Variants in POTEF observed in about 807,000 individuals in gnomAD.
POTEF encodes the protein POTE ankyrin domain family member F.
POTEF carries 20 observed loss-of-function variants against 83.2 expected under a neutral mutation model. The observed-to-expected ratio is 0.24, with a 90% CI of 0.17 to 0.35. The LOEUF (loss-of-function observed/expected upper bound fraction) is 0.35. POTEF is among the 10% of genes least tolerant of loss of function. The pLI, the probability that POTEF is intolerant of heterozygous loss-of-function variation, is 1.00. For synonymous variants in POTEF, 196 were observed against 446.4 expected (o/e 0.44, Z 7.07); for missense variants, 550 against 1,203.2 (o/e 0.46, Z 8.03).
In POTEF at chr2:130,120,583, C is replaced by T; in HGVS notation, c.-68G>A. On this transcript the variant is annotated 5_prime_UTR_variant, in exon 3 of 17. Coordinates refer to ENST00000409914, the MANE Select transcript of POTEF (RefSeq NM_001099771.2). ...CGCGTCTACCAACCAGTTTCACCAA[C>T]TAGCAGGTAACTCCGGGTTTCCAAT... is the stretch of plus-strand genomic sequence containing the variant. The T allele has an allele frequency of 6.2e-7, 1 of 1,603,690 alleles. No individual in the cohort carries two copies. Among genetic ancestry groups the T allele is most frequent in the South Asian group, 1.1e-5 (1 of 89,984 alleles).
rs546034392 is a variant in POTEF at position 130,107,878 on chromosome 2, T to C, written c.1126+131A>G. ...ATAAAGTAGCACAATAAATGTAACATGATTGAATAATCCTGAAACCATCCC... is the reference window on the plus strand; with the variant it reads ...ATAAAGTAGCACAATAAATGTAACACGATTGAATAATCCTGAAACCATCCC... On this transcript the variant is annotated intron_variant, in intron 8 of 16. Transcript: ENST00000409914. 1,187 of 770,792 alleles carry C rather than the reference T, an allele frequency of 1.5e-3. 63 individuals are homozygous for C. In the African/African-American group the frequency reaches 0.02, roughly 13 times the overall value. The allele number at this position is 770,792 out of a possible 1,614,324, so 47.7% of individuals were successfully genotyped here.
chr2:130,107,116 T>C (rs569550403), intron 8 of POTEF, among the ~76,000 whole-genome samples: 3 of 140,110 alleles, frequency 2.1e-5, no homozygotes, highest in Non-Finnish European at 4.6e-5. Flanking sequence ...GCATTTTTGT[T>C]AGCGTGAAAC....
intron 12 of POTEF, among the ~76,000 whole-genome samples, chr2:130,093,045 A>T (rs1293991559): frequency 6.9e-6 from 1 of 143,978 alleles, no homozygotes; most frequent in Non-Finnish European, 1.5e-5. Context: ...CTCCAGTCAG[A>T]TCAGTGATAG....
rs1573607782 is a variant in POTEF, at chr2:130,107,900, T to A, written c.1126+109A>T. ...ACATGATTGAATAATCCTGAAACCA[T>A]CCCCACCCTCCCCCAGCCCATGGAA... On this transcript the variant is annotated intron_variant, in intron 8 of 16. Coordinates refer to ENST00000409914, the MANE Select transcript of POTEF (RefSeq NM_001099771.2). 13 of 1,170,062 alleles carry A rather than the reference T, an allele frequency of 1.1e-5. No individual in the cohort carries two copies. The African/African-American group carries it at 1.2e-4, about 10-fold the overall frequency. The allele number at this position is 1,170,062 out of a possible 1,614,324, so 72.5% of individuals were successfully genotyped here.
Position 130,120,269 on chromosome 2 carries a change from A to G in POTEF, c.247T>C (p.Ser83Pro), listed in dbSNP as rs761942417. 8 of 1,605,460 alleles carry G rather than the reference A, an allele frequency of 5.0e-6. No homozygotes were observed. The South Asian group carries it at 8.8e-5, about 18-fold the overall frequency. The change falls in exon 3 of 17, where the codon TCT becomes CCT. Residue 83 changes from serine to proline, a missense_variant. By Grantham distance (74) the Ser-to-Pro change is moderately conservative. Transcript: ENST00000409914. ...RGSGKSNVGA[S>P]GDHDDSAMKT... ...ATAGCAGAGTCGTCGTGGTCTCCAGAAGCGCCCACGTTGCTCTTGCCACTC... is the reference window on the plus strand; with the variant it reads ...ATAGCAGAGTCGTCGTGGTCTCCAGGAGCGCCCACGTTGCTCTTGCCACTC...
intron 2 of POTEF, among the ~76,000 whole-genome samples, chr2:130,127,465 G>A (rs1022427257): frequency 1.3e-5 from 2 of 150,302 alleles, no homozygotes; most frequent in Non-Finnish European, 2.9e-5. Flanking sequence ...AGAGAAGGGG[G>A]AGGACTCCTT....
intron 3 of POTEF, among the ~76,000 whole-genome samples, chr2:130,117,047 C>T (rs1375526076): frequency 2.0e-5 from 3 of 150,104 alleles, no homozygotes; most frequent in African/African-American, 7.5e-5. Flanking sequence ...ATGAACACAG[C>T]TTGGGAGTTC....
intron 3 of POTEF, among the ~76,000 whole-genome samples, chr2:130,117,136 T>C (rs1407025452): frequency 6.6e-6 from 1 of 151,846 alleles, no homozygotes; most frequent in African/African-American, 2.4e-5. Flanking sequence ...GCTATTTTAA[T>C]TTTCATAAAC....
chr2:130,093,130 G>A (rs1403797358), intron 12 of POTEF, among the ~76,000 whole-genome samples: 4 of 143,526 alleles, frequency 2.8e-5, no homozygotes, highest in Admixed American at 1.4e-4. Flanking sequence ...TGCTTCGTAT[G>A]AGAATCTAAT....
At position 130,107,160 on chromosome 2, in the gene POTEF, A is replaced by G. The variant is rs564304072; in HGVS notation, c.1126+849T>C. ...GCTTTTATTATAATCTGCTGAGCCT[A>G]GAGTTGGGCAATTTGTATATTTATT... On this transcript the variant is annotated intron_variant, in intron 8 of 16. Coordinates refer to ENST00000409914, the MANE Select transcript of POTEF (RefSeq NM_001099771.2). 2.0e-3 allele frequency among the ~76,000 whole-genome samples: 281 copies of G among 142,486 alleles called. 12 individuals carry two copies. Among genetic ancestry groups the G allele is most frequent in the African/African-American group, 6.2e-3 (227 of 36,590 alleles). The allele number at this position is 142,486 out of a possible 152,430, so 93.5% of individuals were successfully genotyped here.
At chr2:130,104,553 A>G (rs1213013373) in intron 8 of POTEF, among the ~76,000 whole-genome samples, 3 of 151,482 alleles carry the variant, frequency 2.0e-5, no homozygotes, top group Non-Finnish European at 4.4e-5. Context: ...GGAAAAAATC[A>G]AAGTGTATTT....
intron 8 of POTEF, among the ~76,000 whole-genome samples, chr2:130,106,880 ATG>A (rs1684548998): frequency 6.7e-6 from 1 of 149,328 alleles, no homozygotes; most frequent in Non-Finnish European, 1.5e-5. Context: ...ATAAATAGAA[ATG>A]TTTTCTTTGT....
chr2:130,101,630 C>T (rs1486325244), intron 9 of POTEF, among the ~76,000 whole-genome samples: 3 of 148,904 alleles, frequency 2.0e-5, no homozygotes. Context: ...GCCATGATTA[C>T]TCCTTAACCA....
chr2:130,113,559 C>T (rs1383920002), intron 5 of POTEF, among the ~76,000 whole-genome samples: 1 of 104,950 alleles, frequency 9.5e-6, no homozygotes, highest in African/African-American at 3.5e-5. Context: ...GAGACAGGGT[C>T]TCATTATGTT....
At chr2:130,121,043 G>A (rs1368765744) in intron 2 of POTEF, among the ~76,000 whole-genome samples, 28 of 147,548 alleles carry the variant, frequency 1.9e-4, no homozygotes, top group Non-Finnish European at 3.7e-4. Context: ...GTTACAGGCC[G>A]GCCAAACCGT....
chr2:130,124,322 ACAT>A (rs921980534), intron 2 of POTEF, among the ~76,000 whole-genome samples: 8 of 108,438 alleles, frequency 7.4e-5, no homozygotes, highest in Non-Finnish European at 1.1e-4. Context: ...CATTATATAT[ACAT>A]CACATACACA....
Position 130,120,610 on chromosome 2 carries a change from T to C in POTEF, c.-93-2A>G. On this transcript the variant is annotated splice_acceptor_variant, in intron 2 of 16. Coordinates refer to ENST00000409914, the MANE Select transcript of POTEF (RefSeq NM_001099771.2). LOFTEE classifies it low-confidence loss of function (5UTR_SPLICE). ...AGCAGGTAACTCCGGGTTTCCAATC[T>C]GTTTGAAGAGAAAAGTCAATCCCAG... 4 of 1,590,076 alleles carry C rather than the reference T, an allele frequency of 2.5e-6. No individual in the cohort carries two copies. Among genetic ancestry groups the C allele is most frequent in the South Asian group, 1.2e-5 (1 of 86,424 alleles).
At chr2:130,087,578 T>C (rs1684037764) in intron 13 of POTEF, among the ~76,000 whole-genome samples, 1 of 98,626 alleles carries the variant, frequency 1.0e-5, no homozygotes, top group African/African-American at 4.4e-5. Flanking sequence ...CTATTGATTC[T>C]TCTGTTAATA....
chr2:130,125,407 A>G (rs1573619603), intron 2 of POTEF, among the ~76,000 whole-genome samples: 2 of 150,004 alleles, frequency 1.3e-5, no homozygotes. Flanking sequence ...CATGCTCATA[A>G]CCTTAAAAAT....
Sources: allele counts gnomAD v4.1 joint callset (sites outside exome capture counted in the v4.1 genomes callset), GRCh38; gene constraint gnomAD v4.1.1; transcripts MANE v1.5; gene names NCBI Gene and HGNC (gene_info 2026-07-23, HGNC 2026-07-21).